Variants in DPP6 observed in about 807,000 individuals in gnomAD.
DPP6 encodes dipeptidyl peptidase like 6.
In DPP6, 69 loss-of-function variants were observed where a neutral mutation model predicts 122.6. That is an observed-to-expected ratio of 0.56 (90% CI 0.46 to 0.69). DPP6 has a LOEUF of 0.69. DPP6 is among the 30% of genes least tolerant of loss of function. The pLI is 0.00. For synonymous variants in DPP6, 418 were observed against 433.1 expected (o/e 0.97, Z 0.43); for missense variants, 928 against 1,116.9 (o/e 0.83, Z 2.41).
At chr7:153,848,579 GTTCAGCTTAACTATACTT>G in the DPP6 span, among the ~76,000 whole-genome samples, 2 of 152,066 alleles carry the variant, frequency 1.3e-5, no homozygotes, top group African/African-American at 4.8e-5. Flanking sequence ...CTTTTCAAGG[GTTCAGCTTAACTATACTT>G]TTAGCAATTC....
intron 1 of DPP6, among the ~76,000 whole-genome samples, chr7:154,281,323 A>C (rs182964023): frequency 6.6e-6 from 1 of 151,358 alleles, no homozygotes; most frequent in African/African-American, 2.4e-5. Context: ...TAAGAACACA[A>C]TTTTAAATGC....
intron 5 of DPP6, among the ~76,000 whole-genome samples, chr7:154,568,858 A>G (rs1184032700): frequency 1.3e-5 from 2 of 152,212 alleles, no homozygotes; most frequent in East Asian, 3.8e-4. Flanking sequence ...AAATGTAAAA[A>G]GTCTATAGAA....
chr7:154,778,527 T>C (rs966165810), intron 10 of DPP6, among the ~76,000 whole-genome samples: 2 of 151,566 alleles, frequency 1.3e-5, no homozygotes, highest in African/African-American at 2.4e-5. Context: ...CACAGAACAA[T>C]AGAGTTCTCA....
chr7:154,828,878 C>A (rs975110759), intron 16 of DPP6, among the ~76,000 whole-genome samples: 3 of 152,186 alleles, frequency 2.0e-5, no homozygotes, highest in Non-Finnish European at 4.4e-5. Flanking sequence ...AGCCTACACA[C>A]CTCAGAATTT....
chr7:153,793,775 G>C, the DPP6 span, among the ~76,000 whole-genome samples: 12 of 151,996 alleles, frequency 7.9e-5, no homozygotes, highest in South Asian at 2.5e-3. Flanking sequence ...CAGAGACCTA[G>C]AAGAAAAGGG....
At chr7:154,026,127 G>T (rs545579410) in intron 1 of DPP6, among the ~76,000 whole-genome samples, 8 of 151,444 alleles carry the variant, frequency 5.3e-5, no homozygotes, top group Non-Finnish European at 1.2e-4. Context: ...GAGGATCTGA[G>T]GTCAGGTACG....
intron 1 of DPP6, among the ~76,000 whole-genome samples, chr7:154,274,650 G>GT (rs147420343): frequency 0.056 from 8,511 of 151,938 alleles, 312 homozygotes; most frequent in East Asian, 0.16. Context: ...TGCAAAATAC[G>GT]TTTTTTTTCT....
At chr7:154,047,611 GGAAATGACAGGAGTTC>G (rs1352677194), upstream of DPP6, among the ~76,000 whole-genome samples, 2 of 151,108 alleles carry the variant, frequency 1.3e-5, no homozygotes, top group African/African-American at 4.9e-5. Context: ...CCAGAAAATA[GGAAATGACAGGAGTTC>G]GTGCCTCCTC....
chr7:154,508,993 C>CA (rs1485790188), intron 3 of DPP6, among the ~76,000 whole-genome samples: 1 of 151,910 alleles, frequency 6.6e-6, no homozygotes, highest in Non-Finnish European at 1.5e-5. Flanking sequence ...CAAAATGGAT[C>CA]AAAAACCTAA....
rs934475226 is a variant in DPP6 at position 154,264,589 on chromosome 7, C to T, written c.244-181625C>T. ...TGCTTGGTATAGAGTGAAGAGGGCC[C>T]GCATTGGTATCTGTGATGATGATGG... On this transcript the variant is annotated intron_variant, in intron 1 of 25. Transcript: ENST00000377770. Among the ~76,000 whole-genome samples the T allele has an allele frequency of 3.3e-5, 5 of 151,750 alleles. No homozygotes were observed. The South Asian group carries it at 6.2e-4, about 19-fold the overall frequency.
intron 1 of DPP6, among the ~76,000 whole-genome samples, chr7:153,893,134 G>T (rs1462143901): frequency 1.3e-5 from 2 of 152,214 alleles, no homozygotes; most frequent in South Asian, 4.1e-4. Context: ...CAATAAAACT[G>T]TAGTGAAGAG....
chr7:154,265,015 A>G (rs369673081), intron 1 of DPP6, among the ~76,000 whole-genome samples: 1 of 1,646 alleles, frequency 6.1e-4, no homozygotes, highest in Non-Finnish European at 1.9e-3. Context: ...TGATAGTGAT[A>G]GTGATGATGG....
intron 5 of DPP6, among the ~76,000 whole-genome samples, chr7:154,581,225 A>C (rs563794411): frequency 6.6e-6 from 1 of 152,292 alleles, no homozygotes; most frequent in African/African-American, 2.4e-5. Flanking sequence ...TAGCAGGAGA[A>C]AGAGCTAAGA....
At chr7:154,648,389 G>A (rs11243352) in intron 6 of DPP6, among the ~76,000 whole-genome samples, 40,693 of 151,752 alleles carry the variant, frequency 0.27, 5,521 homozygotes, top group African/African-American at 0.29. Flanking sequence ...TTGTTTCTAC[G>A]TCACCTCCTC....
At chr7:154,352,448 G>A (rs1466774071) in intron 1 of DPP6, among the ~76,000 whole-genome samples, 1 of 152,036 alleles carries the variant, frequency 6.6e-6, no homozygotes, top group East Asian at 1.9e-4. Flanking sequence ...GGGCAACAGA[G>A]TGAGACTCTG....
chr7:154,477,782 A>T (rs1204798143), intron 3 of DPP6, among the ~76,000 whole-genome samples: 1 of 152,202 alleles, frequency 6.6e-6, no homozygotes, highest in Admixed American at 6.5e-5. Flanking sequence ...TGCCTGTATC[A>T]TCAGGTTATG....
chr7:154,560,024 C>T (rs1257606969), intron 4 of DPP6, among the ~76,000 whole-genome samples: 1 of 149,454 alleles, frequency 6.7e-6, no homozygotes, highest in Admixed American at 6.7e-5. Flanking sequence ...CAGAGAAAAT[C>T]AGACAGTATT....
Position 154,401,057 on chromosome 7 carries a change from T to G in DPP6, c.244-45157T>G, listed in dbSNP as rs531349239. ...CTCTACTAAAAATGCAAAGATTAGG[T>G]GTGGTGGCATGCACCTGTAATCCCA... On this transcript the variant is annotated intron_variant, in intron 1 of 25. Coordinates refer to ENST00000377770, the MANE Select transcript of DPP6 (RefSeq NM_130797.4). Among the ~76,000 whole-genome samples the G allele has an allele frequency of 2.6e-5, 4 of 151,912 alleles. No individual in the cohort carries two copies. In the South Asian group the frequency reaches 8.3e-4, roughly 32 times the overall value.
At chr7:154,405,527 A>G (rs919342075) in intron 1 of DPP6, among the ~76,000 whole-genome samples, 4 of 152,206 alleles carry the variant, frequency 2.6e-5, no homozygotes, top group Non-Finnish European at 4.4e-5. Context: ...AGACTGAGAA[A>G]GGAGTCTATT....
Sources: allele counts gnomAD v4.1 joint callset (sites outside exome capture counted in the v4.1 genomes callset), GRCh38; gene constraint gnomAD v4.1.1; transcripts MANE v1.5; gene names NCBI Gene and HGNC (gene_info 2026-07-23, HGNC 2026-07-21).